LRSAM1: variants seen among roughly 807,000 people sequenced by gnomAD.
LRSAM1 encodes the protein leucine rich repeat and sterile alpha motif containing 1.
In LRSAM1, 96 loss-of-function variants were observed where a neutral mutation model predicts 118.1. The ratio of observed to expected loss-of-function variants is 0.81; its 90% CI spans 0.69 to 0.96. The LOEUF (loss-of-function observed/expected upper bound fraction) is 0.96, where lower values mean the gene tolerates loss of function less well. Ranked by LOEUF, LRSAM1 falls within the 40% of genes least tolerant of loss-of-function variation. The pLI, the probability that LRSAM1 is intolerant of heterozygous loss-of-function variation, is 0.00. For missense variants in LRSAM1, 804 were observed against 915.5 expected (o/e 0.88, Z 1.57); for synonymous variants, 322 against 364.2 (o/e 0.88, Z 1.32).
At chr9:127,459,119 C>G in intron 7 of LRSAM1, 48 bp downstream of exon 7, 2 of 1,561,788 alleles carry the variant, frequency 1.3e-6, no homozygotes, top group Non-Finnish European at 8.8e-7. Flanking sequence ...TTAGTGAGAC[C>G]AGGCAGTCAC....
rs994652150 is a variant in LRSAM1, at chr9:127,465,762, C to A, written c.529-1978C>A. ...TTCCAGGACTCCCCTGATACCCAGG[C>A]ATAGAGGATATCAGTGCCTGCCAGC... is the stretch of plus-strand genomic sequence containing the variant. On this transcript the variant is annotated intron_variant, in intron 9 of 25. Transcript: ENST00000300417. The surrounding 1 kb of genome is among the most constrained non-coding windows in gnomAD (Gnocchi z 4.1). Among the ~76,000 whole-genome samples, 1 of 152,282 alleles carries A rather than the reference C, an allele frequency of 6.6e-6. No individual in the cohort carries two copies. Among genetic ancestry groups the A allele is most frequent in the South Asian group, 2.1e-4 (1 of 4,824 alleles).
intron 11 of LRSAM1, among the ~76,000 whole-genome samples, chr9:127,474,319 G>A (rs1172027461): frequency 1.3e-5 from 2 of 150,300 alleles, no homozygotes; most frequent in South Asian, 2.1e-4. Flanking sequence ...CCAGGCTGGA[G>A]TGCAGTGGTG....
chr9:127,470,483 A>AT (rs1835124200), intron 10 of LRSAM1, among the ~76,000 whole-genome samples: 2 of 152,160 alleles, frequency 1.3e-5, no homozygotes, highest in South Asian at 4.1e-4. Context: ...CAATTCAGAG[A>AT]TTGAGGTGGG....
intron 16 of LRSAM1, among the ~76,000 whole-genome samples, chr9:127,484,263 C>CTTTTTTTTTTTTTTTTTCTT (rs1835644727): frequency 7.5e-6 from 1 of 133,684 alleles, no homozygotes. Context: ...ATTTCTTTCC[C>CTTTTTTTTTTTTTTTTTCTT]TTTTTTTTTT....
At chr9:127,498,024 G>C (rs908306625) in intron 24 of LRSAM1, among the ~76,000 whole-genome samples, 4 of 152,222 alleles carry the variant, frequency 2.6e-5, no homozygotes, top group Non-Finnish European at 4.4e-5. Flanking sequence ...TGCCTCCCTG[G>C]GGAAGAGGTG....
Position 127,462,302 on chromosome 9 carries a change from C to T in LRSAM1, c.457C>T (p.Arg153Cys), listed in dbSNP as rs772739566. 2.7e-5 allele frequency: 43 copies of T among 1,613,948 alleles called. No individual in the cohort carries two copies. In the South Asian group the frequency reaches 2.7e-4, roughly 10 times the overall value. ...CACCGTGGGGGAGCTTCGAAGCCTG[C>T]GTACCCTCAACATCAGTGGAAACGA... ...PDTVGELRSL[R>C]TLNISGNEIQ... The change falls in exon 9 of 26, where the codon CGT (arginine) becomes TGT (cysteine). Residue 153 changes from arginine to cysteine, a missense_variant. Arg to Cys is a radical substitution (Grantham distance 180). Transcript: ENST00000300417.
At chr9:127,472,617 G>A (rs1376117073) in intron 10 of LRSAM1, among the ~76,000 whole-genome samples, 1 of 151,642 alleles carries the variant, frequency 6.6e-6, no homozygotes. Flanking sequence ...CTCCAGCCTG[G>A]GTGACAGAGC....
chr9:127,470,161 G>A (rs1199263202), intron 10 of LRSAM1, among the ~76,000 whole-genome samples: 2 of 151,988 alleles, frequency 1.3e-5, no homozygotes, highest in Non-Finnish European at 1.5e-5. Flanking sequence ...GTACATGCCT[G>A]TATTAGTCTG....
chr9:127,476,423 C>G (rs980732424), intron 11 of LRSAM1, among the ~76,000 whole-genome samples: 1 of 152,102 alleles, frequency 6.6e-6, no homozygotes, highest in Non-Finnish European at 1.5e-5. Flanking sequence ...TGGCACGTGC[C>G]TGTGGTCCCA....
intron 17 of LRSAM1, 60 bp downstream of exon 17, chr9:127,485,895 G>A (rs567163038): frequency 6.5e-7 from 1 of 1,545,954 alleles, no homozygotes; most frequent in Non-Finnish European, 8.9e-7. Flanking sequence ...CAGGGCCCAA[G>A]ACCGTGGGAT....
rs551879236 is a variant in LRSAM1 at position 127,490,430 on chromosome 9, G to T, written c.1423-785G>T. On this transcript the variant is annotated intron_variant, in intron 19 of 25. Transcript: ENST00000300417. Reference sequence around the variant, plus strand: ...ATGGGCACAGGATAGAGAAGTACTGGCTATGGGGTCTGACCCCCACCCCTG... The same window carrying T: ...ATGGGCACAGGATAGAGAAGTACTGTCTATGGGGTCTGACCCCCACCCCTG... Among the ~76,000 whole-genome samples the T allele has an allele frequency of 6.6e-5, 10 of 152,090 alleles. No homozygotes were observed. In the South Asian group the frequency reaches 2.1e-3, roughly 32 times the overall value.
intron 24 of LRSAM1, among the ~76,000 whole-genome samples, chr9:127,499,537 A>ATAT (rs1392699385): frequency 5.7e-4 from 66 of 115,254 alleles, no homozygotes; most frequent in African/African-American, 1.7e-3. Context: ...TCTAAAAAAA[A>ATAT]ATATATATAT....
chr9:127,492,965 T>C (rs1835989845), intron 21 of LRSAM1, 68 bp downstream of exon 21: 1 of 1,275,048 alleles, frequency 7.8e-7, no homozygotes, highest in Non-Finnish European at 1.1e-6. Flanking sequence ...CTTGCCATTT[T>C]TAGAAACACC....
At chr9:127,474,015 G>T (rs568040152) in intron 11 of LRSAM1, 84 bp downstream of exon 11, 9 of 1,594,684 alleles carry the variant, frequency 5.6e-6, no homozygotes, top group African/African-American at 4.0e-5. Context: ...GGAATGGAAG[G>T]GGGCGGTGGT....
chr9:127,487,578 A>G, intron 17 of LRSAM1, 98 bp from the exon 18 acceptor site: 1 of 1,157,512 alleles, frequency 8.6e-7, no homozygotes. Flanking sequence ...TGGTCCACTG[A>G]AGAAATGGGT....
chr9:127,457,390 C>T lies in LRSAM1; in HGVS notation c.249C>T (p.Ile83=), dbSNP rs2243906. Residue 83 remains isoleucine, a synonymous_variant, in exon 6 of 26, where the codon ATC becomes ATT. Coordinates refer to ENST00000300417, the MANE Select transcript of LRSAM1 (RefSeq NM_001005373.4). ...KSCSLLSLAT[I]KVLDLHDNQL... is the part of the protein sequence containing the mutation. The stretch of plus-strand genomic sequence containing the variant: ...GCAGCCTCCTGAGTCTGGCAACCAT[C>T]AAGGTACTGGGCCCTCCTCCCAGGC... 0.59 allele frequency: 945,423 copies of T among 1,613,478 alleles called. 279,624 individuals carry two copies. The highest frequency in any genetic ancestry group is 0.66 in the Admixed American group (39,572 of 59,978).
chr9:127,469,560 A>G (rs1835086351), intron 10 of LRSAM1, among the ~76,000 whole-genome samples: 2 of 152,176 alleles, frequency 1.3e-5, no homozygotes, highest in African/African-American at 2.4e-5. Flanking sequence ...GGAAAATGCA[A>G]ATTAAAACTG....
chr9:127,479,257 T>C lies in LRSAM1; in HGVS notation c.781-126T>C, dbSNP rs182807538. ...CTTACAGTTGGGCCCTGGAGGGGAG[T>C]GGGGGTTGCTCAGCATGAAGACCTG... On this transcript the variant is annotated intron_variant, in intron 12 of 25. Coordinates refer to ENST00000300417, the MANE Select transcript of LRSAM1 (RefSeq NM_001005373.4). 1,318 of 1,375,276 alleles carry C rather than the reference T, an allele frequency of 9.6e-4. 23 individuals carry two copies. In the Admixed American group the frequency reaches 0.02, roughly 21 times the overall value. 85.2% of individuals were successfully genotyped at this position (1,375,276 alleles called of 1,614,324 possible).
intron 24 of LRSAM1, 25 bp from the exon 25 acceptor site, chr9:127,500,985 C>T (rs1282360448): frequency 1.2e-6 from 2 of 1,613,666 alleles, no homozygotes; most frequent in African/African-American, 2.7e-5. Flanking sequence ...GACCCTGGCT[C>T]AGTCTGTCTG....
Sources: gnomAD v4.1 joint callset for allele counts (sites outside exome capture counted in the v4.1 genomes callset) on GRCh38, gnomAD v4.1.1 for gene constraint, Gnocchi (gnomAD v3.1) non-coding constraint, MANE v1.5 for transcripts, NCBI Gene and HGNC (gene_info 2026-07-23, HGNC 2026-07-21) for gene names.